The following AKIRIN2 variants were observed in gnomAD, a reference collection of about 807,000 sequenced individuals.
The protein encoded by AKIRIN2 is akirin 2, also known as akirin-2.
AKIRIN2 carries 6 observed loss-of-function variants against 29.3 expected under a neutral mutation model. That is an observed-to-expected ratio of 0.20 (90% CI 0.11 to 0.40). The LOEUF (loss-of-function observed/expected upper bound fraction) is 0.40, where lower values mean the gene tolerates loss of function less well. AKIRIN2 is among the 10% of genes least tolerant of loss of function. The pLI is 1.00. For missense variants in AKIRIN2, 210 were observed against 276.1 expected, an observed-to-expected ratio of 0.76 and a Z score of 1.70; for synonymous variants, 128 against 117.5, an observed-to-expected ratio of 1.09 and a Z score of -0.58.
At chr6:87,684,337 A>T (rs944658501) in intron 1 of AKIRIN2, among the ~76,000 whole-genome samples, 1 of 152,216 alleles carries the variant, frequency 6.6e-6, no homozygotes, top group African/African-American at 2.4e-5. Flanking sequence ...AAAACTCCAT[A>T]CCATCAGATA....
intron 1 of AKIRIN2, among the ~76,000 whole-genome samples, chr6:87,687,191 G>A (rs2754258): frequency 0.09 from 13,321 of 147,852 alleles, 655 homozygotes; most frequent in African/African-American, 0.12. Context: ...AAATAACAGA[G>A]CAATGTACAG....
chr6:87,700,639 G>T (rs1771445109), intron 1 of AKIRIN2: 1 of 152,090 alleles, frequency 6.6e-6, no homozygotes, highest in Admixed American at 6.6e-5. Context: ...ATCTTGGGTT[G>T]ATTTCTTCAT....
Position 87,686,778 on chromosome 6 carries a change from G to C in AKIRIN2, c.236-5015C>G, listed in dbSNP as rs1057007183. Among the ~76,000 whole-genome samples the C allele has an allele frequency of 3.2e-4, 48 of 152,244 alleles. 1 individual carries two copies. Among genetic ancestry groups the C allele is most frequent in the African/African-American group, 1.2e-3 (48 of 41,550 alleles). ...AGAAATCTTGTGGCCGGGCGCGGTA[G>C]TTCATGCCTGTAATCCCAGCACTTT... On this transcript the variant is annotated intron_variant, in intron 1 of 4. Coordinates refer to ENST00000257787, the MANE Select transcript of AKIRIN2 (RefSeq NM_018064.4).
At chr6:87,694,629 T>C (rs1202653604) in intron 1 of AKIRIN2, among the ~76,000 whole-genome samples, 1 of 152,108 alleles carries the variant, frequency 6.6e-6, no homozygotes, top group Admixed American at 6.6e-5. Context: ...AATGGAAAGA[T>C]TACAATGTTA....
At chr6:87,684,965 A>AT (rs1425888797) in intron 1 of AKIRIN2, among the ~76,000 whole-genome samples, 1 of 152,140 alleles carries the variant, frequency 6.6e-6, no homozygotes, top group African/African-American at 2.4e-5. Context: ...TTCCAGAGTG[A>AT]TTTTGTCATT....
At chr6:87,699,044 T>C (rs1009133468) in intron 1 of AKIRIN2, among the ~76,000 whole-genome samples, 4 of 152,020 alleles carry the variant, frequency 2.6e-5, no homozygotes, top group African/African-American at 9.7e-5. Context: ...AAACAAAGAG[T>C]TCCCACAAGT....
chr6:87,678,846 A>T (rs1771069181), intron 2 of AKIRIN2, among the ~76,000 whole-genome samples: 1 of 152,164 alleles, frequency 6.6e-6, no homozygotes, highest in African/African-American at 2.4e-5. Flanking sequence ...TTATTGAAAA[A>T]GAAAATACGC....
chr6:87,690,301 G>A (rs186396361), intron 1 of AKIRIN2, among the ~76,000 whole-genome samples: 1 of 152,088 alleles, frequency 6.6e-6, no homozygotes, highest in African/African-American at 2.4e-5. Flanking sequence ...GGAGTGGAGA[G>A]GAAGGAAAGC....
chr6:87,687,439 C>CCAAAAA (rs1771205457), intron 1 of AKIRIN2, among the ~76,000 whole-genome samples: 1 of 109,156 alleles, frequency 9.2e-6, no homozygotes, highest in South Asian at 3.1e-4. Context: ...AATTCCGTTT[C>CCAAAAA]AAAAAAAAAA....
chr6:87,698,034 C>A (rs2128303066), intron 1 of AKIRIN2, among the ~76,000 whole-genome samples: 1 of 152,266 alleles, frequency 6.6e-6, no homozygotes. Flanking sequence ...TCATGACAAT[C>A]TTTTGGCTAA....
At chr6:87,697,505 T>G (rs545276552) in intron 1 of AKIRIN2, among the ~76,000 whole-genome samples, 1 of 152,284 alleles carries the variant, frequency 6.6e-6, no homozygotes, top group Admixed American at 6.5e-5. Context: ...CCAAATCCAG[T>G]GAGAAACTAG....
In AKIRIN2 at chr6:87,675,320, C is replaced by A; in HGVS notation, c.*277G>T. ...ATGTTCTAGAATACCAGCTTTAATCCTTTTCAAACATTAATATAAGAAGCC... is the reference window on the plus strand; with the variant it reads ...ATGTTCTAGAATACCAGCTTTAATCATTTTCAAACATTAATATAAGAAGCC... On this transcript the variant is annotated 3_prime_UTR_variant, in exon 5 of 5. Coordinates refer to ENST00000257787, the MANE Select transcript of AKIRIN2 (RefSeq NM_018064.4). 1 of 488,684 alleles carries A rather than the reference C, an allele frequency of 2.0e-6. No individual in the cohort carries two copies. The highest frequency in any genetic ancestry group is 3.7e-6 in the Non-Finnish European group (1 of 273,170). 30.3% of individuals were successfully genotyped at this position (488,684 alleles called of 1,614,324 possible).
At chr6:87,678,344 A>AT (rs967282275) in intron 2 of AKIRIN2, among the ~76,000 whole-genome samples, 10 of 85,996 alleles carry the variant, frequency 1.2e-4, no homozygotes, top group South Asian at 3.4e-4. Flanking sequence ...CTAAAAATAC[A>AT]TAAAAAAATT....
rs751974654 is a variant in AKIRIN2, at chr6:87,701,664, C to T, written c.21G>A (p.Leu7=). The T allele has an allele frequency of 6.8e-7, 1 of 1,462,302 alleles. No homozygotes were observed. The highest frequency in any genetic ancestry group is 2.7e-5 in the Admixed American group (1 of 36,874). The allele number at this position is 1,462,302 out of a possible 1,614,324, so 90.6% of individuals were successfully genotyped here. ...GCGGGTCGAAATCCAGAGTCCTTTT[C>T]AGAGTGGCTCCGCACGCCATGGCCG... MACGAT[L]KRTLDFDPLL... The change falls in exon 1 of 5, where the codon CTG becomes CTA. Residue 7 remains leucine, a synonymous_variant. Transcript: ENST00000257787.
chr6:87,676,408 G>A (rs1297770009), intron 3 of AKIRIN2, among the ~76,000 whole-genome samples: 1 of 127,714 alleles, frequency 7.8e-6, no homozygotes, highest in Admixed American at 8.7e-5. Context: ...GGAGCTTGCA[G>A]TGAGCCAAGA....
At chr6:87,697,259 G>GTTGAGATCATGCCAC (rs2128302985) in intron 1 of AKIRIN2, among the ~76,000 whole-genome samples, 2 of 147,496 alleles carry the variant, frequency 1.4e-5, no homozygotes, top group South Asian at 4.5e-4. Context: ...GTTGCAATGA[G>GTTGAGATCATGCCAC]TTGAGATCAT....
chr6:87,698,028 G>A (rs1214093625), intron 1 of AKIRIN2, among the ~76,000 whole-genome samples: 4 of 152,158 alleles, frequency 2.6e-5, no homozygotes, highest in African/African-American at 7.2e-5. Context: ...GGAATGTCAT[G>A]ACAATCTTTT....
chr6:87,692,036 G>A (rs1178648506), intron 1 of AKIRIN2, among the ~76,000 whole-genome samples: 1 of 152,182 alleles, frequency 6.6e-6, no homozygotes, highest in Non-Finnish European at 1.5e-5. Context: ...AGAGGATAAA[G>A]TTACTTTGGA....
intron 1 of AKIRIN2, among the ~76,000 whole-genome samples, chr6:87,700,252 T>C (rs1203695014): frequency 1.7e-5 from 2 of 116,912 alleles, no homozygotes; most frequent in African/African-American, 6.3e-5. Flanking sequence ...ATTTAGAAAA[T>C]ATTTTTAAAT....
Sources: allele counts gnomAD v4.1 joint callset (sites outside exome capture counted in the v4.1 genomes callset), GRCh38; gene constraint gnomAD v4.1.1; transcripts MANE v1.5; gene names NCBI Gene and HGNC (gene_info 2026-07-23, HGNC 2026-07-21).